Variants in SIAH1 observed in about 807,000 individuals in gnomAD.
SIAH1 encodes siah E3 ubiquitin protein ligase 1.
SIAH1 carries 2 observed loss-of-function variants against 20.0 expected under a neutral mutation model. The observed-to-expected ratio is 0.10, with a 90% CI of 0.04 to 0.31. SIAH1 has a LOEUF of 0.31. Among genes scored for constraint, SIAH1 ranks in the 10% least tolerant of loss-of-function variants. SIAH1 has a pLI of 1.00. For synonymous variants in SIAH1, 118 were observed against 125.3 expected (o/e 0.94, Z 0.39); for missense variants, 119 against 355.3 (o/e 0.33, Z 5.35).
chr16:48,365,459 G>A, intron 1 of SIAH1: 1 of 1,613,678 alleles, frequency 6.2e-7, no homozygotes, highest in Non-Finnish European at 8.5e-7. Flanking sequence ...AGAGAAGGTG[G>A]AGTAGCCTTT....
At position 48,363,940 on chromosome 16, in the gene SIAH1, C is replaced by CTTTTTTT. The variant is rs565145479; in HGVS notation, c.-2-1517_-2-1511dup. 9 of 64,676 alleles carry CTTTTTTT rather than the reference C, an allele frequency of 1.4e-4. 1 individual carries two copies. Among genetic ancestry groups the CTTTTTTT allele is most frequent in the Non-Finnish European group, 2.2e-4 (7 of 32,230 alleles). The allele number at this position is 64,676 out of a possible 1,614,324, so 4.0% of individuals were successfully genotyped here. On this transcript the variant is annotated intron_variant, in intron 1 of 1. Transcript: ENST00000394725. Reference sequence around the variant, plus strand: ...CCTAGTAACTCTACTAAGCCATAATCTTTTTTTTTTTTTTTTTTTTTTTTT... The same window carrying CTTTTTTT: ...CCTAGTAACTCTACTAAGCCATAATCTTTTTTTTTTTTTTTTTTTTTTTTTTTTTTTT...
chr16:48,365,069 C>T (rs927580990), intron 1 of SIAH1: 1 of 261,798 alleles, frequency 3.8e-6, no homozygotes. Context: ...TTCTTGGGAA[C>T]GGAGGTATTA....
At chr16:48,384,403 T>G (rs1030936913) in intron 1 of SIAH1, among the ~76,000 whole-genome samples, 2 of 151,832 alleles carry the variant, frequency 1.3e-5, no homozygotes, top group African/African-American at 4.8e-5. Context: ...CGCATCGGAG[T>G]GGCCCAGGTT....
At chr16:48,378,256 G>A (rs1961164137) in intron 1 of SIAH1, among the ~76,000 whole-genome samples, 1 of 152,224 alleles carries the variant, frequency 6.6e-6, no homozygotes, top group South Asian at 2.1e-4. Flanking sequence ...GAGAGGCTGA[G>A]GCAGGAGAAT....
chr16:48,386,578 G>A (rs1327017739), upstream of SIAH1, among the ~76,000 whole-genome samples: 1 of 152,158 alleles, frequency 6.6e-6, no homozygotes, highest in African/African-American at 2.4e-5. Context: ...GTATGATAAA[G>A]TTTATATGTG....
chr16:48,365,276 C>A, intron 1 of SIAH1: 1 of 1,119,726 alleles, frequency 8.9e-7, no homozygotes, highest in African/African-American at 1.6e-5. Flanking sequence ...GACTGAGAAC[C>A]TCGGAAACGT....
intron 1 of SIAH1, among the ~76,000 whole-genome samples, chr16:48,367,352 A>G (rs1416943683): frequency 6.6e-6 from 1 of 152,204 alleles, no homozygotes; most frequent in African/African-American, 2.4e-5. Flanking sequence ...CAAACTCCAA[A>G]AGATCTGTAC....
upstream of SIAH1, among the ~76,000 whole-genome samples, chr16:48,386,431 G>A (rs1463083824): frequency 2.0e-5 from 3 of 152,108 alleles, no homozygotes; most frequent in Admixed American, 2.0e-4. Context: ...GCTTGAACCC[G>A]GGAGGCAGAG....
intron 1 of SIAH1, among the ~76,000 whole-genome samples, chr16:48,384,737 G>A (rs890042054): frequency 2.6e-5 from 4 of 151,404 alleles, no homozygotes; most frequent in Non-Finnish European, 5.9e-5. Context: ...GGAGGGGGAG[G>A]GAGGGCAGGG....
chr16:48,376,709 C>T (rs1448186220), intron 1 of SIAH1, among the ~76,000 whole-genome samples: 3 of 152,078 alleles, frequency 2.0e-5, no homozygotes, highest in Non-Finnish European at 4.4e-5. Context: ...AGCCCCCCTC[C>T]CCTCACAAAC....
At chr16:48,383,368 G>A (rs570399067) in intron 1 of SIAH1, among the ~76,000 whole-genome samples, 1 of 152,024 alleles carries the variant, frequency 6.6e-6, no homozygotes, top group Non-Finnish European at 1.5e-5. Context: ...AATCTACTTT[G>A]AGTCTCAAGA....
chr16:48,376,932 G>C (rs1006087032), intron 1 of SIAH1, among the ~76,000 whole-genome samples: 5 of 152,118 alleles, frequency 3.3e-5, no homozygotes, highest in African/African-American at 1.2e-4. Flanking sequence ...ACAGGGAGAG[G>C]ATTACTTCAT....
intron 1 of SIAH1, among the ~76,000 whole-genome samples, chr16:48,380,109 T>C (rs931192579): frequency 1.3e-5 from 2 of 152,146 alleles, no homozygotes; most frequent in Non-Finnish European, 2.9e-5. Flanking sequence ...AGAAAAAATA[T>C]CTGCAAAAGA....
intron 1 of SIAH1, among the ~76,000 whole-genome samples, chr16:48,379,681 GA>G (rs1305605956): frequency 6.6e-6 from 1 of 152,174 alleles, no homozygotes. Flanking sequence ...TACAACTAAA[GA>G]AAAATTATAA....
At chr16:48,369,914 A>C (rs920782460) in intron 1 of SIAH1, among the ~76,000 whole-genome samples, 6 of 152,228 alleles carry the variant, frequency 3.9e-5, no homozygotes, top group Non-Finnish European at 2.9e-5. Flanking sequence ...CTTCAAAGAA[A>C]GTTTCTGAAA....
chr16:48,362,403 A>G lies in SIAH1; in HGVS notation c.26T>C (p.Leu9Ser). 1 of 1,614,140 alleles carries G rather than the reference A, an allele frequency of 6.2e-7. No homozygotes were observed. Among genetic ancestry groups the G allele is most frequent in the Non-Finnish European group, 8.5e-7 (1 of 1,179,994 alleles). The change falls in exon 2 of 2, where the codon TTA (leucine) becomes TCA (serine). Residue 9 changes from leucine (L) to serine (S), a missense_variant. Leu to Ser is a moderately radical substitution (Grantham distance 145, BLOSUM62 -2). Around this residue, in one of 2 missense-constraint regions of SIAH1, gnomAD observed 35 missense variants for 47.5 expected, o/e 0.74. Coordinates refer to ENST00000394725, the MANE Select transcript of SIAH1 (RefSeq NM_003031.4). The surrounding 1 kb of genome is among the most constrained non-coding windows in gnomAD (Gnocchi z 4.2). The part of the protein sequence containing the change: MSRQTATA[L>S]PTGTSKCPPS... ...TGGACACTTCGAGGTACCGGTAGGTAATGCTGTAGCAGTCTGACGGCTCAT... is the reference window on the plus strand; with the variant it reads ...TGGACACTTCGAGGTACCGGTAGGTGATGCTGTAGCAGTCTGACGGCTCAT...
chr16:48,386,418 A>G (rs1261814386), upstream of SIAH1, among the ~76,000 whole-genome samples: 2 of 152,180 alleles, frequency 1.3e-5, no homozygotes, highest in African/African-American at 4.8e-5. Flanking sequence ...AGGCAGGAGA[A>G]TCGCTTGAAC....
intron 1 of SIAH1, among the ~76,000 whole-genome samples, chr16:48,377,585 G>A (rs1159414209): frequency 6.6e-6 from 1 of 151,946 alleles, no homozygotes; most frequent in Non-Finnish European, 1.5e-5. Flanking sequence ...GACAAGGACA[G>A]GGCTTCACCA....
In SIAH1 at chr16:48,385,318, C is replaced by T. The variant is rs1306472352; in HGVS notation, c.-117G>A. 7.2e-5 allele frequency: 14 copies of T among 195,710 alleles called. No individual in the cohort carries two copies. Among genetic ancestry groups the T allele is most frequent in the South Asian group, 4.6e-4 (8 of 17,554 alleles). The allele number at this position is 195,710 out of a possible 1,614,324, so 12.1% of individuals were successfully genotyped here. ...CTTCCCGGCGCCGAGACCGACGGGACACCCTGGGCCGCCGCCGCCTCTCGA... is the reference window on the plus strand; with the variant it reads ...CTTCCCGGCGCCGAGACCGACGGGATACCCTGGGCCGCCGCCGCCTCTCGA... On this transcript the variant is annotated 5_prime_UTR_variant, in exon 1 of 2. Transcript: ENST00000394725.
Sources: gnomAD v4.1 joint callset for allele counts (sites outside exome capture counted in the v4.1 genomes callset) on GRCh38, gnomAD v4.1.1 for gene constraint, gnomAD v4.1.1 regional missense constraint, Gnocchi (gnomAD v3.1) non-coding constraint, MANE v1.5 for transcripts, NCBI Gene and HGNC (gene_info 2026-07-23, HGNC 2026-07-21) for gene names.